The following EDIL3 variants were observed in gnomAD, a reference collection of about 807,000 sequenced individuals.
EDIL3 encodes EGF-like repeat and discoidin I-like domain-containing protein 3.
EDIL3 carries 37 observed loss-of-function variants against 67.4 expected under a neutral mutation model. The ratio of observed to expected loss-of-function variants is 0.55; its 90% CI spans 0.42 to 0.72. The LOEUF (loss-of-function observed/expected upper bound fraction) is 0.72, where lower values mean the gene tolerates loss of function less well. EDIL3 is among the 30% of genes least tolerant of loss of function. The pLI is 0.00. For missense variants in EDIL3, 527 were observed against 586.3 expected (o/e 0.90, Z 1.04); for synonymous variants, 195 against 196.3 (o/e 0.99, Z 0.05).
At chr5:84,295,467 A>G (rs1215299482) in intron 1 of EDIL3, among the ~76,000 whole-genome samples, 1 of 152,064 alleles carries the variant, frequency 6.6e-6, no homozygotes, top group Non-Finnish European at 1.5e-5. Flanking sequence ...CATGATAAAA[A>G]TTAACTAAAT....
chr5:83,961,062 T>C (rs537292529), intron 10 of EDIL3, among the ~76,000 whole-genome samples: 2 of 151,154 alleles, frequency 1.3e-5, no homozygotes, highest in African/African-American at 4.8e-5. Context: ...AAAAGAAAGC[T>C]GGAGTTAATC....
intron 9 of EDIL3, among the ~76,000 whole-genome samples, chr5:84,059,522 C>T (rs1403609449): frequency 6.6e-6 from 1 of 152,122 alleles, no homozygotes; most frequent in African/African-American, 2.4e-5. Context: ...GTGGAATTTG[C>T]TATTTTAAAT....
chr5:84,016,692 C>T (rs1745612497), intron 9 of EDIL3, among the ~76,000 whole-genome samples: 1 of 152,152 alleles, frequency 6.6e-6, no homozygotes, highest in African/African-American at 2.4e-5. Context: ...GTATATAAAA[C>T]AAATGCATCC....
chr5:84,013,489 AAC>A (rs1745551650), intron 9 of EDIL3, among the ~76,000 whole-genome samples: 1 of 152,134 alleles, frequency 6.6e-6, no homozygotes, highest in Non-Finnish European at 1.5e-5. Context: ...TCTGCTGCCA[AAC>A]ACACAGATTC....
chr5:84,326,815 A>G (rs901597523), intron 1 of EDIL3, among the ~76,000 whole-genome samples: 1 of 151,716 alleles, frequency 6.6e-6, no homozygotes, highest in East Asian at 1.9e-4. Context: ...CACCTTCTAC[A>G]TTCTCTCTTT....
At chr5:84,162,800 T>G (rs569002644) in intron 4 of EDIL3, among the ~76,000 whole-genome samples, 10 of 152,086 alleles carry the variant, frequency 6.6e-5, no homozygotes, top group Non-Finnish European at 1.0e-4. Context: ...CCCATACCTT[T>G]CTCTGTCCTT....
chr5:84,316,644 C>A (rs1220698859), intron 1 of EDIL3, among the ~76,000 whole-genome samples: 1 of 152,088 alleles, frequency 6.6e-6, no homozygotes, highest in African/African-American at 2.4e-5. Flanking sequence ...GACTTAGACT[C>A]CCACACAATA....
chr5:83,997,836 T>C lies in EDIL3; in HGVS notation c.1138-34476A>G, dbSNP rs111961546. On this transcript the variant is annotated intron_variant, in intron 9 of 10. Transcript: ENST00000296591. ...ATCAGAGTAACTGGGGGAGGGAGAA[T>C]GAAGTGATTGTGGGACTGTGCATTG... Among the ~76,000 whole-genome samples, 979 of 151,966 alleles carry C rather than the reference T, an allele frequency of 6.4e-3. 6 individuals are homozygous for C. Among genetic ancestry groups the C allele is most frequent in the Non-Finnish European group, 7.3e-3 (496 of 67,960 alleles).
chr5:83,944,174 T>A (rs1744273477), intron 10 of EDIL3, among the ~76,000 whole-genome samples: 1 of 151,326 alleles, frequency 6.6e-6, no homozygotes, highest in Non-Finnish European at 1.5e-5. Context: ...ACGGCCTCTA[T>A]CACAGTGCCT....
At position 84,073,719 on chromosome 5, in the gene EDIL3, C is replaced by A. The variant is rs1253335422; in HGVS notation, c.652-7113G>T. Among the ~76,000 whole-genome samples, 8 of 151,978 alleles carry A rather than the reference C, an allele frequency of 5.3e-5. No homozygotes were observed. In the East Asian group the frequency reaches 1.4e-3, roughly 26 times the overall value. On this transcript the variant is annotated intron_variant, in intron 6 of 10. Transcript: ENST00000296591. ...AAGAGGATACAAACAAATGGAAGAA[C>A]ATTCCATGCTCATGGGTAGGAAGAA...
chr5:84,256,554 T>C (rs1052894139), intron 1 of EDIL3, among the ~76,000 whole-genome samples: 4 of 152,096 alleles, frequency 2.6e-5, no homozygotes, highest in African/African-American at 9.7e-5. Context: ...CCACTGTAGC[T>C]AGAATATAAA....
chr5:83,972,860 A>G (rs192056542), intron 9 of EDIL3, among the ~76,000 whole-genome samples: 3 of 152,222 alleles, frequency 2.0e-5, no homozygotes, highest in Admixed American at 1.3e-4. Context: ...GTCTTTTAAA[A>G]TGAGCAGATC....
At chr5:84,001,808 T>G (rs1017062431) in intron 9 of EDIL3, among the ~76,000 whole-genome samples, 1 of 152,170 alleles carries the variant, frequency 6.6e-6, no homozygotes. Flanking sequence ...ATGGCTTCAC[T>G]GCTGGATTCT....
At chr5:84,157,877 A>C (rs1425323593) in intron 4 of EDIL3, among the ~76,000 whole-genome samples, 1 of 152,110 alleles carries the variant, frequency 6.6e-6, no homozygotes, top group Non-Finnish European at 1.5e-5. Flanking sequence ...ATTTGGAAGA[A>C]AGAAAATAAA....
At chr5:83,965,670 T>C (rs1580256039) in intron 9 of EDIL3, among the ~76,000 whole-genome samples, 2 of 152,190 alleles carry the variant, frequency 1.3e-5, no homozygotes, top group African/African-American at 4.8e-5. Flanking sequence ...CTGGGTTTCC[T>C]GCTGGGTGGA....
intron 3 of EDIL3, among the ~76,000 whole-genome samples, chr5:84,213,991 C>G (rs568347361): frequency 2.6e-5 from 4 of 152,260 alleles, no homozygotes; most frequent in Admixed American, 6.5e-5. Flanking sequence ...GCCCCTTCCC[C>G]CTACATGACC....
chr5:84,268,902 T>C (rs1359360489), intron 1 of EDIL3, among the ~76,000 whole-genome samples: 1 of 152,124 alleles, frequency 6.6e-6, no homozygotes, highest in Non-Finnish European at 1.5e-5. Context: ...CCATCACTAA[T>C]TTGAATTATA....
Position 84,191,913 on chromosome 5 carries a change from T to C in EDIL3, c.227-11392A>G, listed in dbSNP as rs564568099. 1.6e-4 allele frequency among the ~76,000 whole-genome samples: 25 copies of C among 152,068 alleles called. No homozygotes were observed. In the South Asian group the frequency reaches 3.7e-3, roughly 23 times the overall value. On this transcript the variant is annotated intron_variant, in intron 3 of 10. Transcript: ENST00000296591. The stretch of plus-strand genomic sequence containing the variant: ...TATCAATTTACATAGACAAACTAAA[T>C]AAGAATTTTAAAACTAAGAAAATAT...
At chr5:83,948,620 A>G (rs1444302572) in intron 10 of EDIL3, among the ~76,000 whole-genome samples, 1 of 151,736 alleles carries the variant, frequency 6.6e-6, no homozygotes, top group Non-Finnish European at 1.5e-5. Context: ...AAAGGAAAAA[A>G]ATATCAAAAT....
Sources: gnomAD v4.1 joint callset for allele counts (sites outside exome capture counted in the v4.1 genomes callset) on GRCh38, gnomAD v4.1.1 for gene constraint, MANE v1.5 for transcripts, NCBI Gene and HGNC (gene_info 2026-07-23, HGNC 2026-07-21) for gene names.